The following SPINK5 variants were observed in gnomAD, a reference collection of about 807,000 sequenced individuals.
SPINK5 encodes serine peptidase inhibitor Kazal type 5, also known as serine protease inhibitor Kazal-type 5.
SPINK5 carries 125 observed loss-of-function variants against 151.8 expected under a neutral mutation model. That is an observed-to-expected ratio of 0.82 (90% confidence interval 0.71 to 0.96). The LOEUF (loss-of-function observed/expected upper bound fraction) is 0.96, where lower values mean the gene tolerates loss of function less well. SPINK5 is among the 40% of genes least tolerant of loss of function. SPINK5 has a pLI of 0.00. For synonymous variants in SPINK5, 374 were observed against 395.3 expected, an observed-to-expected ratio of 0.95 and a Z score of 0.64; for missense variants, 1,194 against 1,291.9, an observed-to-expected ratio of 0.92 and a Z score of 1.16.
chr5:148,101,260 CGTT>C, intron 13 of SPINK5, 92 bp from the exon 14 acceptor site: 1 of 892,100 alleles, frequency 1.1e-6, no homozygotes, highest in Non-Finnish European at 1.8e-6. Context: ...AGAATTTAAT[CGTT>C]GTTAAGTGTA....
At position 148,123,874 on chromosome 5, in the gene SPINK5, G is replaced by A. The variant is rs200078609; in HGVS notation, c.2580G>A (p.Lys860=). 2 of 1,613,976 alleles carry A rather than the reference G, an allele frequency of 1.2e-6. No homozygotes were observed. Among genetic ancestry groups the A allele is most frequent in the Non-Finnish European group, 1.7e-6 (2 of 1,179,980 alleles). Residue 860 remains lysine, a synonymous_variant, in exon 27 of 33, where the codon AAG becomes AAA. Transcript: ENST00000256084. ...REFRSMQRNG[K]LICTRENNPV... is the part of the protein sequence containing the mutation. ...TTCGAAGCATGCAGAGAAATGGAAA[G>A]CTTATCTGCACCAGAGAAAATAACC... is the stretch of plus-strand genomic sequence containing the variant.
intron 7 of SPINK5, chr5:148,090,795 T>C (rs1250725152): frequency 4.4e-6 from 1 of 228,846 alleles, no homozygotes; most frequent in Non-Finnish European, 8.7e-6. Flanking sequence ...AGCTCTTGGT[T>C]CTGCCTGTTA....
chr5:148,107,241 TGTAGA>T (rs1753807780), intron 17 of SPINK5, 77 bp downstream of exon 17: 3 of 1,569,810 alleles, frequency 1.9e-6, no homozygotes, highest in Non-Finnish European at 2.6e-6. Context: ...TTCATGCATG[TGTAGA>T]GTATAGACCG....
chr5:148,124,580 A>G (rs531405026), intron 27 of SPINK5, among the ~76,000 whole-genome samples, 185 bp from the exon 28 acceptor site: 49 of 152,310 alleles, frequency 3.2e-4, no homozygotes, highest in Middle Eastern at 3.4e-3. Context: ...CCACAAATAT[A>G]TTATCATGAA....
intron 30 of SPINK5, among the ~76,000 whole-genome samples, chr5:148,128,509 A>ATTAT (rs548462479): frequency 2.6e-5 from 4 of 151,908 alleles, no homozygotes; most frequent in African/African-American, 7.3e-5. Flanking sequence ...TTTTCCAGGC[A>ATTAT]TTATTTATTT....
rs747446927 is a variant in SPINK5 at position 148,101,412 on chromosome 5, A to G, written c.1278A>G (p.Gln426=). The part of the protein sequence containing the change: ...KKEGKSRNKR[Q]SKSTASFEEL... ...AAGGTAAATCAAGAAACAAAAGACAATCTAAGAGTACAGCTTCCTTTGAGG... is the reference window on the plus strand; with the variant it reads ...AAGGTAAATCAAGAAACAAAAGACAGTCTAAGAGTACAGCTTCCTTTGAGG... The change falls in exon 14 of 33, where the codon CAA becomes CAG. Residue 426 remains glutamine, a synonymous_variant. Transcript: ENST00000256084. 1.2e-6 allele frequency: 2 copies of G among 1,611,486 alleles called. No homozygotes were observed. The highest frequency in any genetic ancestry group is 2.2e-5 in the East Asian group (1 of 44,800).
At position 148,088,574 on chromosome 5, in the gene SPINK5, A is replaced by C. The variant is rs1306798712; in HGVS notation, c.443A>C (p.Glu148Ala). 5 of 1,611,682 alleles carry C rather than the reference A, an allele frequency of 3.1e-6. No homozygotes were observed. The highest frequency in any genetic ancestry group is 1.6e-4 in the Middle Eastern group (1 of 6,064). ...KTGSQIGVKS[E>A]GECKSSNPEQ... ...GGGTCCCAAATTGGTGTAAAAAGTG[A>C]AGGGGAATGTAAGAGCAGTAATCCA... Residue 148 changes from glutamate (E) to alanine (A), a missense_variant, in exon 6 of 33, where the codon GAA (glutamate) becomes GCA (alanine). Coordinates refer to ENST00000256084, the MANE Select transcript of SPINK5 (RefSeq NM_006846.4).
At chr5:148,124,719 C>G in intron 27 of SPINK5, 46 bp from the exon 28 acceptor site, 5 of 1,455,860 alleles carry the variant, frequency 3.4e-6, no homozygotes, top group Non-Finnish European at 4.6e-6. Flanking sequence ...AATTCAGTAA[C>G]AACCCTTGAA....
intron 1 of SPINK5, 133 bp downstream of exon 1, chr5:148,064,232 C>T: frequency 1.1e-6 from 1 of 924,546 alleles, no homozygotes; most frequent in Admixed American, 1.8e-5. Context: ...TTGCCAGACA[C>T]AGAGTTCTGA....
rs1339718227 is a variant in SPINK5, at chr5:148,072,215, A to G, written c.277A>G (p.Thr93Ala). 1.2e-6 allele frequency: 2 copies of G among 1,612,120 alleles called. No individual in the cohort carries two copies. The highest frequency in any genetic ancestry group is 2.2e-5 in the East Asian group (1 of 44,832). Residue 93 changes from threonine to alanine, a missense_variant, in exon 4 of 33, where the codon ACA (threonine) becomes GCA (alanine). Transcript: ENST00000256084. Reference sequence around the variant, plus strand: ...AAGAGCTCCCAAGGCTACTGCCCCAACAGAGGTGAGACTATTTGGAGCCAA... The same window carrying G: ...AAGAGCTCCCAAGGCTACTGCCCCAGCAGAGGTGAGACTATTTGGAGCCAA... ...LARAPKATAP[T>A]ELNCDDFKKG... is the part of the protein sequence containing the mutation.
At chr5:148,064,930 A>G (rs1581043237) in intron 1 of SPINK5, among the ~76,000 whole-genome samples, 1 of 152,278 alleles carries the variant, frequency 6.6e-6, no homozygotes, top group African/African-American at 2.4e-5. Flanking sequence ...TATATATCCT[A>G]TAAATGTAAT....
Position 148,100,565 on chromosome 5 carries a change from A to G in SPINK5, c.1204A>G (p.Met402Val). ...GAAAGTGCATGGCAACACCTGCTCCATGTGTGAGGTCTTCTTGTGAGTAGC... is the reference window on the plus strand; with the variant it reads ...GAAAGTGCATGGCAACACCTGCTCCGTGTGTGAGGTCTTCTTGTGAGTAGC... ...DGKVHGNTCS[M>V]CEVFFQAEEE... is the part of the protein sequence containing the mutation. Residue 402 changes from methionine to valine, a missense_variant, in exon 13 of 33, where the codon ATG becomes GTG. By Grantham distance (21) the Met-to-Val change is conservative. Coordinates refer to ENST00000256084, the MANE Select transcript of SPINK5 (RefSeq NM_006846.4). The G allele has an allele frequency of 6.2e-7, 1 of 1,613,126 alleles. No homozygotes were observed. The highest frequency in any genetic ancestry group is 8.5e-7 in the Non-Finnish European group (1 of 1,179,318).
chr5:148,115,978 C>G (rs957506196), intron 21 of SPINK5, among the ~76,000 whole-genome samples: 7 of 152,028 alleles, frequency 4.6e-5, no homozygotes, highest in African/African-American at 1.7e-4. Context: ...TGTACCACCA[C>G]GCCTGGCTAA....
chr5:148,097,818 T>C, intron 10 of SPINK5, 49 bp from the exon 11 acceptor site: 1 of 1,548,802 alleles, frequency 6.5e-7, no homozygotes, highest in South Asian at 1.1e-5. Flanking sequence ...TTAACATTCA[T>C]ACATAGAAAA....
intron 30 of SPINK5, among the ~76,000 whole-genome samples, chr5:148,130,357 T>A (rs79197387): frequency 0.039 from 5,994 of 151,952 alleles, 184 homozygotes; most frequent in East Asian, 0.13. Context: ...TATAGTTGAT[T>A]CTTTTTGTTC....
In SPINK5 at chr5:148,131,360, C is replaced by A. The variant is rs1414330619; in HGVS notation, c.3066C>A (p.Asn1022Lys). 4 of 1,613,826 alleles carry A rather than the reference C, an allele frequency of 2.5e-6. No homozygotes were observed. In the Admixed American group the frequency reaches 5.0e-5, roughly 20 times the overall value. Residue 1022 changes from asparagine to lysine, a missense_variant, in exon 31 of 33, where the codon AAC (asparagine) becomes AAA (lysine). Physicochemically the swap from Asn to Lys is moderately conservative, Grantham distance 94. Transcript: ENST00000256084. ...PVCGDDGQTY[N>K]NPCMLCHENL... ...GTGGTGACGATGGCCAAACCTACAA[C>A]AATCCTTGCATGCTCTGTCATGAAA...
At chr5:148,095,712 G>A (rs773093311) in intron 9 of SPINK5, 106 bp from the exon 10 acceptor site, 69 of 932,728 alleles carry the variant, frequency 7.4e-5, no homozygotes, top group Non-Finnish European at 1.1e-4. Flanking sequence ...TAAAGTGTTT[G>A]TACTAAAACT....
intron 26 of SPINK5, among the ~76,000 whole-genome samples, chr5:148,121,662 AAAG>A (rs1754269120): frequency 5.7e-5 from 2 of 34,892 alleles, no homozygotes; most frequent in South Asian, 8.4e-4. Flanking sequence ...AAAAAAAAAT[AAAG>A]AAAATATGGA....
Position 148,137,018 on chromosome 5 carries a change from G to GA in SPINK5, c.*33dup, listed in dbSNP as rs774132785. Reference sequence around the variant, plus strand: ...AGGAAGATTGTTGAAAGCCATGAGGGAAAAAATAAACCCCAGTTCTGAATC... The same window carrying GA: ...AGGAAGATTGTTGAAAGCCATGAGGGAAAAAAATAAACCCCAGTTCTGAATC... On this transcript the variant is annotated 3_prime_UTR_variant, in exon 33 of 33. Coordinates refer to ENST00000256084, the MANE Select transcript of SPINK5 (RefSeq NM_006846.4). 6 of 1,613,050 alleles carry GA rather than the reference G, an allele frequency of 3.7e-6. No individual in the cohort carries two copies. Among genetic ancestry groups the GA allele is most frequent in the East Asian group, 2.2e-5 (1 of 44,854 alleles).
Sources: gnomAD v4.1 joint callset for allele counts (sites outside exome capture counted in the v4.1 genomes callset) on GRCh38, gnomAD v4.1.1 for gene constraint, MANE v1.5 for transcripts, NCBI Gene and HGNC (gene_info 2026-07-23, HGNC 2026-07-21) for gene names.